Variants in COG5 observed in about 807,000 individuals in gnomAD.
COG5 encodes conserved oligomeric Golgi complex subunit 5.
A neutral mutation model predicts 110.4 loss-of-function variants in COG5; 86 were observed. The observed-to-expected ratio is 0.78, with a 90% CI of 0.65 to 0.93. The LOEUF (loss-of-function observed/expected upper bound fraction) is 0.93, where lower values mean the gene tolerates loss of function less well. COG5 is among the 40% of genes least tolerant of loss of function. The pLI is 0.00. For synonymous variants in COG5, 360 were observed against 334.6 expected, an observed-to-expected ratio of 1.08 and a Z score of -0.83; for missense variants, 1,077 against 987.0, an observed-to-expected ratio of 1.09 and a Z score of -1.22.
chr7:107,563,530 G>A, intron 1 of COG5: 1 of 489,950 alleles, frequency 2.0e-6, no homozygotes, highest in South Asian at 2.0e-5. Flanking sequence ...GAAACTTCAG[G>A]GAAGCTGGAG....
At chr7:107,226,990 C>T (rs1040632251) in intron 19 of COG5, among the ~76,000 whole-genome samples, 8 of 152,226 alleles carry the variant, frequency 5.3e-5, no homozygotes, top group South Asian at 2.1e-4. Context: ...GGAGCTAAGA[C>T]GTCATCTGCA....
intron 7 of COG5, among the ~76,000 whole-genome samples, chr7:107,401,111 T>G (rs1456894706): frequency 6.6e-6 from 1 of 152,084 alleles, no homozygotes. Flanking sequence ...TTTAAAAATA[T>G]AAAAATAATT....
intron 6 of COG5, among the ~76,000 whole-genome samples, chr7:107,461,705 T>A (rs1228621476): frequency 1.3e-5 from 2 of 152,184 alleles, no homozygotes; most frequent in Admixed American, 6.5e-5. Flanking sequence ...TTTGGCAAAA[T>A]CATATGGTTT....
At chr7:107,369,126 T>C (rs1010404005) in intron 8 of COG5, among the ~76,000 whole-genome samples, 3 of 152,154 alleles carry the variant, frequency 2.0e-5, no homozygotes, top group African/African-American at 7.2e-5. Context: ...TTGATCATTA[T>C]TCCAATGTGC....
chr7:107,563,664 G>C (rs942068544), intron 1 of COG5, 139 bp downstream of exon 1: 28 of 938,174 alleles, frequency 3.0e-5, no homozygotes, highest in Non-Finnish European at 3.9e-5. Context: ...ACCCAAGCCA[G>C]GGGGCCGGGC....
chr7:107,544,576 C>T (rs1802280994), intron 5 of COG5, among the ~76,000 whole-genome samples: 1 of 152,196 alleles, frequency 6.6e-6, no homozygotes, highest in Non-Finnish European at 1.5e-5. Flanking sequence ...CAACAGCCTG[C>T]CTGAAGACAC....
At chr7:107,515,810 T>C (rs574785186) in intron 6 of COG5, among the ~76,000 whole-genome samples, 1 of 152,320 alleles carries the variant, frequency 6.6e-6, no homozygotes, top group South Asian at 2.1e-4. Flanking sequence ...CAATAAAATA[T>C]CTATAAACAA....
intron 7 of COG5, among the ~76,000 whole-genome samples, chr7:107,381,961 A>G (rs1223957902): frequency 1.3e-5 from 2 of 152,196 alleles, no homozygotes; most frequent in African/African-American, 2.4e-5. Context: ...TTCTTATGGC[A>G]ATATAGTTGT....
chr7:107,285,152 G>C (rs1394004358), intron 12 of COG5, among the ~76,000 whole-genome samples: 3 of 152,208 alleles, frequency 2.0e-5, no homozygotes, highest in Non-Finnish European at 4.4e-5. Flanking sequence ...GATTAAGAGT[G>C]CTTTACAGTC....
intron 21 of COG5, chr7:107,208,967 A>C (rs1798969309): frequency 1.0e-6 from 1 of 979,512 alleles, no homozygotes. Context: ...GGAGCTATAG[A>C]GAAATCCTGA....
At chr7:107,503,122 TG>T (rs1798740146) in intron 6 of COG5, among the ~76,000 whole-genome samples, 1 of 152,214 alleles carries the variant, frequency 6.6e-6, no homozygotes. Context: ...TCCTACGGTT[TG>T]TATGGCTTTG....
chr7:107,209,762 C>T, intron 21 of COG5: 1 of 952,446 alleles, frequency 1.0e-6, no homozygotes, highest in Non-Finnish European at 1.2e-6. Flanking sequence ...GCCTACCATG[C>T]TGATAAAATG....
intron 6 of COG5, among the ~76,000 whole-genome samples, chr7:107,519,032 A>G (rs938904664): frequency 1.3e-5 from 2 of 152,206 alleles, no homozygotes; most frequent in African/African-American, 4.8e-5. Context: ...AAATTGAACA[A>G]CCGCTCCTAA....
chr7:107,498,018 T>C (rs973637555), intron 6 of COG5, among the ~76,000 whole-genome samples: 20 of 152,140 alleles, frequency 1.3e-4, no homozygotes, highest in African/African-American at 4.8e-4. Context: ...AAGGGTGCCA[T>C]GAATACACAA....
chr7:107,217,039 T>C (rs1468292613), intron 19 of COG5, among the ~76,000 whole-genome samples: 1 of 151,968 alleles, frequency 6.6e-6, no homozygotes, highest in Non-Finnish European at 1.5e-5. Flanking sequence ...AGAGAAGATA[T>C]TACAACTGGT....
At chr7:107,473,978 G>T in intron 6 of COG5, 1 of 681,794 alleles carries the variant, frequency 1.5e-6, no homozygotes, top group South Asian at 2.1e-5. Flanking sequence ...CAAAGAACAC[G>T]TTATACGTCA....
intron 6 of COG5, among the ~76,000 whole-genome samples, chr7:107,501,596 A>G (rs1041575349): frequency 3.3e-5 from 5 of 152,200 alleles, no homozygotes; most frequent in African/African-American, 1.2e-4. Flanking sequence ...AAGAATGAAT[A>G]GAATCATAAA....
At chr7:107,529,823 T>A (rs1801059315) in intron 5 of COG5, among the ~76,000 whole-genome samples, 1 of 152,204 alleles carries the variant, frequency 6.6e-6, no homozygotes, top group Non-Finnish European at 1.5e-5. Context: ...CTCAGTCGAA[T>A]TCTTTCTTCT....
chr7:107,269,430 G>A (rs529173279), intron 14 of COG5, among the ~76,000 whole-genome samples: 6 of 150,840 alleles, frequency 4.0e-5, no homozygotes, highest in Middle Eastern at 3.5e-3. Flanking sequence ...AGCCGAGATC[G>A]TGCCACTGCA....
Sources: gnomAD v4.1 joint callset for allele counts (sites outside exome capture counted in the v4.1 genomes callset) on GRCh38, gnomAD v4.1.1 for gene constraint, MANE v1.5 for transcripts, NCBI Gene and HGNC (gene_info 2026-07-23, HGNC 2026-07-21) for gene names.